The following ROS1 variants were observed in gnomAD, a reference collection of about 807,000 sequenced individuals.
ROS1 encodes proto-oncogene tyrosine-protein kinase ROS.
A neutral mutation model predicts 273.5 loss-of-function variants in ROS1; 263 were observed. The ratio of observed to expected loss-of-function variants is 0.96; its 90% CI spans 0.87 to 1.06. The LOEUF (loss-of-function observed/expected upper bound fraction) is 1.06. Among genes scored for constraint, ROS1 ranks in the 50% least tolerant of loss-of-function variants. ROS1 has a pLI of 0.00. For missense variants in ROS1, 2,833 were observed against 2,751.1 expected, an observed-to-expected ratio of 1.03 and a Z score of -0.67; for synonymous variants, 1,008 against 954.1, an observed-to-expected ratio of 1.06 and a Z score of -1.04.
intron 18 of ROS1, among the ~76,000 whole-genome samples, chr6:117,376,991 C>T (rs933011004): frequency 1.3e-5 from 2 of 152,110 alleles, no homozygotes; most frequent in Admixed American, 6.6e-5. Context: ...TGCCTGTCTT[C>T]AAGTTTTTCT....
chr6:117,423,836 C>G (rs570626040), intron 1 of ROS1, among the ~76,000 whole-genome samples: 1 of 152,122 alleles, frequency 6.6e-6, no homozygotes. Context: ...TGTATATCCT[C>G]TCCTGTGAAC....
At chr6:117,321,600 T>C (rs982865789) in intron 35 of ROS1, among the ~76,000 whole-genome samples, 7 of 152,124 alleles carry the variant, frequency 4.6e-5, no homozygotes, top group African/African-American at 1.7e-4. Context: ...ACACAAATCA[T>C]ACTACACCAT....
intron 43 of ROS1, among the ~76,000 whole-genome samples, chr6:117,291,893 T>C (rs1358169370): frequency 6.6e-6 from 1 of 152,116 alleles, no homozygotes; most frequent in Non-Finnish European, 1.5e-5. Context: ...AGACTTCAAG[T>C]AGAACCTAAG....
Position 117,301,084 on chromosome 6 carries a change from A to C in ROS1, c.6605T>G (p.Phe2202Cys), listed in dbSNP as rs1051601581. Residue 2202 changes from phenylalanine to cysteine, a missense_variant, in exon 43 of 44, where the codon TTT (phenylalanine) becomes TGT (cysteine). Coordinates refer to ENST00000368507, the MANE Select transcript of ROS1 (RefSeq NM_001378902.1). ...WAQEPDQRPT[F>C]HRIQDQLQLF... ...CTGAAGTTGGTCCTGAATTCTATGAAAAGTAGGTCTTTGGTCGGGTTCTTG... is the reference window on the plus strand; with the variant it reads ...CTGAAGTTGGTCCTGAATTCTATGACAAGTAGGTCTTTGGTCGGGTTCTTG... 3.7e-6 allele frequency: 6 copies of C among 1,603,678 alleles called. No individual in the cohort carries two copies. In the African/African-American group the frequency reaches 5.4e-5, roughly 14 times the overall value.
At chr6:117,385,139 C>T (rs1772454859) in intron 16 of ROS1, among the ~76,000 whole-genome samples, 1 of 152,122 alleles carries the variant, frequency 6.6e-6, no homozygotes, top group African/African-American at 2.4e-5. Context: ...ATGCCATGTT[C>T]CTGCCAAGAA....
At chr6:117,413,109 T>G (rs1775057663) in intron 4 of ROS1, among the ~76,000 whole-genome samples, 1 of 152,142 alleles carries the variant, frequency 6.6e-6, no homozygotes, top group Admixed American at 6.6e-5. Flanking sequence ...CAGTAACAAC[T>G]GAGAAAACAT....
intron 41 of ROS1, among the ~76,000 whole-genome samples, chr6:117,309,324 C>A (rs1454120619): frequency 6.6e-6 from 1 of 152,104 alleles, no homozygotes; most frequent in African/African-American, 2.4e-5. Context: ...ACACACAACT[C>A]ATACTCTGTT....
chr6:117,320,160 TG>T (rs898462703), intron 36 of ROS1, 130 bp from the exon 37 acceptor site: 2 of 770,394 alleles, frequency 2.6e-6, no homozygotes, highest in Non-Finnish European at 4.1e-6. Context: ...GTGTGTTTTA[TG>T]TGACACGGTG....
chr6:117,396,892 C>A, intron 8 of ROS1, 23 bp downstream of exon 8: 1 of 1,521,564 alleles, frequency 6.6e-7, no homozygotes, highest in South Asian at 1.1e-5. Flanking sequence ...GTTACATTTT[C>A]CTCTGTATCA....
In ROS1 at chr6:117,322,465, T is replaced by C. The variant is rs150980451; in HGVS notation, c.5624-1071A>G. Among the ~76,000 whole-genome samples, 415 of 152,294 alleles carry C rather than the reference T, an allele frequency of 2.7e-3. 2 individuals are homozygous for C. The highest frequency in any genetic ancestry group is 9.1e-3 in the African/African-American group (377 of 41,576). On this transcript the variant is annotated intron_variant, in intron 35 of 43. Transcript: ENST00000368507. ...GTCTTTTGTTATTATTTAACACATA[T>C]CTTGCTATTTGTCTTCCCACACAGG...
At chr6:117,361,420 TGC>T (rs1779789972) in intron 22 of ROS1, among the ~76,000 whole-genome samples, 2 of 144,990 alleles carry the variant, frequency 1.4e-5, no homozygotes, top group Non-Finnish European at 3.0e-5. Flanking sequence ...TTTATAATGG[TGC>T]ATATATATAT....
chr6:117,407,280 A>C (rs1774489916), intron 5 of ROS1, among the ~76,000 whole-genome samples: 2 of 152,288 alleles, frequency 1.3e-5, no homozygotes, highest in South Asian at 4.1e-4. Flanking sequence ...AACTGTCTAC[A>C]GCTCGGTGGG....
chr6:117,304,871 G>A (rs906043801), intron 42 of ROS1, among the ~76,000 whole-genome samples: 6 of 152,068 alleles, frequency 3.9e-5, no homozygotes, highest in Non-Finnish European at 8.8e-5. Flanking sequence ...GTTCTTATGA[G>A]ATCTGGTTGT....
At chr6:117,291,785 C>T (rs954724797) in intron 43 of ROS1, among the ~76,000 whole-genome samples, 3 of 152,084 alleles carry the variant, frequency 2.0e-5, no homozygotes, top group South Asian at 2.1e-4. Flanking sequence ...GTATTTTACT[C>T]TTTATATTGA....
At chr6:117,331,289 A>C (rs147981210) in intron 32 of ROS1, among the ~76,000 whole-genome samples, 1 of 152,222 alleles carries the variant, frequency 6.6e-6, no homozygotes. Context: ...ACAAGAAGAG[A>C]GAAAAAAGAA....
At position 117,403,123 on chromosome 6, in the gene ROS1, T is replaced by A. The variant is rs781100805; in HGVS notation, c.604+16A>T. On this transcript the variant is annotated intron_variant, in intron 7 of 43. Transcript: ENST00000368507. The stretch of plus-strand genomic sequence containing the variant: ...TGGAATAATGTCCTTTCATAAGAAA[T>A]GTGTGCACACCATACCTCCATGAGG... 1 of 1,613,196 alleles carries A rather than the reference T, an allele frequency of 6.2e-7. No homozygotes were observed.
Position 117,360,371 on chromosome 6 carries a change from T to C in ROS1, c.3401A>G (p.Tyr1134Cys). ...RAFTSKGPGP[Y>C]ADVVKSTTSE... is the part of the protein sequence containing the mutation. ...TGTTGTAGACTTTACAACGTCAGCA[T>C]ATGGTCCTGGCCCCTTAGATGTAAA... is the stretch of plus-strand genomic sequence containing the variant. Residue 1134 changes from tyrosine to cysteine, a missense_variant, in exon 23 of 44, where the codon TAT becomes TGT. Coordinates refer to ENST00000368507, the MANE Select transcript of ROS1 (RefSeq NM_001378902.1). 6.2e-7 allele frequency: 1 copy of C among 1,613,550 alleles called. No individual in the cohort carries two copies. Among genetic ancestry groups the C allele is most frequent in the South Asian group, 1.1e-5 (1 of 91,044 alleles).
intron 43 of ROS1, among the ~76,000 whole-genome samples, chr6:117,296,688 G>A (rs1774270725): frequency 6.6e-6 from 1 of 152,030 alleles, no homozygotes; most frequent in Non-Finnish European, 1.5e-5. Flanking sequence ...GGGGAGTTGG[G>A]GATGGTTATT....
chr6:117,425,080 A>G (rs922676020), intron 1 of ROS1, among the ~76,000 whole-genome samples: 1 of 152,216 alleles, frequency 6.6e-6, no homozygotes, highest in African/African-American at 2.4e-5. Flanking sequence ...ACAAATAATT[A>G]TTGCTTTAAA....
Sources: allele counts gnomAD v4.1 joint callset (sites outside exome capture counted in the v4.1 genomes callset), GRCh38; gene constraint gnomAD v4.1.1; transcripts MANE v1.5; gene names NCBI Gene and HGNC (gene_info 2026-07-23, HGNC 2026-07-21).